GGNBP2: variants seen among roughly 807,000 people sequenced by gnomAD.
The protein encoded by GGNBP2 is gametogenetin binding protein 2.
A neutral mutation model predicts 85.9 loss-of-function variants in GGNBP2; 10 were observed. That is an observed-to-expected ratio of 0.12 (90% CI 0.07 to 0.20). The LOEUF is 0.20. Ranked by LOEUF, GGNBP2 falls within the 10% of genes least tolerant of loss-of-function variation. The pLI, the probability that GGNBP2 is intolerant of heterozygous loss-of-function variation, is 1.00. For synonymous variants in GGNBP2, 287 were observed against 285.7 expected (o/e 1.00, Z -0.05); for missense variants, 595 against 857.8 (o/e 0.69, Z 3.83).
intron 2 of GGNBP2, among the ~76,000 whole-genome samples, chr17:36,548,570 G>T (rs190682321): frequency 1.6e-5 from 2 of 123,912 alleles, no homozygotes; most frequent in Non-Finnish European, 3.2e-5. Flanking sequence ...AGCCGAGATC[G>T]CACCACTGCA....
chr17:36,560,866 T>C lies in GGNBP2; in HGVS notation c.522T>C (p.Pro174=). The change falls in exon 5 of 14, where the codon CCT becomes CCC. Residue 174 remains proline (P), a synonymous_variant. Coordinates refer to ENST00000613102, the MANE Select transcript of GGNBP2 (RefSeq NM_024835.5). ...LHSLDTHKPK[P]LGGCWMDVWE... is the part of the protein sequence containing the mutation. ...CCTTAGATACGCACAAGCCAAAACC[T>C]TTGGGGTAAGTAGAATTGAATACCA... The C allele has an allele frequency of 6.4e-7, 1 of 1,555,304 alleles. No individual in the cohort carries two copies. Among genetic ancestry groups the C allele is most frequent in the Non-Finnish European group, 8.8e-7 (1 of 1,141,386 alleles).
chr17:36,567,890 A>G, intron 6 of GGNBP2, 114 bp downstream of exon 6: 2 of 556,576 alleles, frequency 3.6e-6, no homozygotes, highest in Admixed American at 6.8e-5. Flanking sequence ...TCCCTTTAAT[A>G]CTTGGCACTA....
In GGNBP2 at chr17:36,586,186, A is replaced by G; in HGVS notation, c.1629A>G (p.Lys543=). 3 of 1,612,282 alleles carry G rather than the reference A, an allele frequency of 1.9e-6. No homozygotes were observed. Among genetic ancestry groups the G allele is most frequent in the Non-Finnish European group, 2.5e-6 (3 of 1,179,798 alleles). The change falls in exon 12 of 14, where the codon AAA becomes AAG. Residue 543 remains lysine (K), a synonymous_variant. Coordinates refer to ENST00000613102, the MANE Select transcript of GGNBP2 (RefSeq NM_024835.5). The stretch of plus-strand genomic sequence containing the variant: ...AGAAGAAGAAAAGCAAGATACTGAA[A>G]TGTGATGAACATGTAAGTGTCATAA... ...KKKKKKSKIL[K]CDEHIQKLGS... is the part of the protein sequence containing the mutation.
intron 2 of GGNBP2, chr17:36,547,046 T>C (rs1277646008): frequency 6.6e-6 from 1 of 152,222 alleles, no homozygotes; most frequent in African/African-American, 2.4e-5. Flanking sequence ...TTCAAGTGCA[T>C]TTATTTTTCA....
chr17:36,577,659 C>A, intron 6 of GGNBP2: 1 of 353,464 alleles, frequency 2.8e-6, no homozygotes, highest in Non-Finnish European at 5.4e-6. Flanking sequence ...GCGCAAATAG[C>A]TTTTGAAGTG....
rs1033815339 is a variant in GGNBP2, at chr17:36,557,138, G to A, written c.230G>A (p.Arg77His). The A allele has an allele frequency of 2.7e-5, 43 of 1,613,906 alleles. No individual in the cohort carries two copies. The highest frequency in any genetic ancestry group is 4.5e-5 in the East Asian group (2 of 44,880). ...AGTATTGCCATGGTGGTGACATCACGCGAAGTCCTGAGTGCACTTTCTCAG... is the reference window on the plus strand; with the variant it reads ...AGTATTGCCATGGTGGTGACATCACACGAAGTCCTGAGTGCACTTTCTCAG... ...DLSIAMVVTS[R>H]EVLSALSQLV... Residue 77 changes from arginine (R) to histidine (H), a missense_variant, in exon 4 of 14, where the codon CGC (arginine) becomes CAC (histidine). Coordinates refer to ENST00000613102, the MANE Select transcript of GGNBP2 (RefSeq NM_024835.5).
intron 9 of GGNBP2, among the ~76,000 whole-genome samples, chr17:36,583,847 G>A (rs1445693064): frequency 2.0e-5 from 3 of 152,164 alleles, no homozygotes; most frequent in African/African-American, 7.2e-5. Flanking sequence ...GTTTCTAAAA[G>A]ATTCATTGCA....
intron 12 of GGNBP2, 98 bp downstream of exon 12, chr17:36,586,296 T>G: frequency 6.9e-7 from 1 of 1,445,158 alleles, no homozygotes; most frequent in Non-Finnish European, 9.1e-7. Flanking sequence ...TGCTAGGATT[T>G]ACTTTTTTTA....
chr17:36,559,960 G>A (rs932762124), intron 4 of GGNBP2, among the ~76,000 whole-genome samples: 4 of 152,064 alleles, frequency 2.6e-5, no homozygotes, highest in Non-Finnish European at 5.9e-5. Flanking sequence ...TCAGCCTCCT[G>A]AGAAGCTGGG....
intron 2 of GGNBP2, among the ~76,000 whole-genome samples, chr17:36,549,152 TATAAA>T (rs1200751885): frequency 6.6e-6 from 1 of 152,208 alleles, no homozygotes; most frequent in Non-Finnish European, 1.5e-5. Context: ...TTACTACAAT[TATAAA>T]ATAACAGATA....
At chr17:36,570,656 T>A (rs905231610) in intron 6 of GGNBP2, among the ~76,000 whole-genome samples, 1 of 152,044 alleles carries the variant, frequency 6.6e-6, no homozygotes, top group African/African-American at 2.4e-5. Flanking sequence ...TAAACTGAGA[T>A]CGCGCCATTG....
At position 36,586,202 on chromosome 17, in the gene GGNBP2, A is replaced by C; in HGVS notation, c.1641+4A>C. 4 of 1,610,052 alleles carry C rather than the reference A, an allele frequency of 2.5e-6. No individual in the cohort carries two copies. The highest frequency in any genetic ancestry group is 3.4e-6 in the Non-Finnish European group (4 of 1,179,442). ...GATACTGAAATGTGATGAACATGTA[A>C]GTGTCATAACTTGTAATTCTTAAAC... On this transcript the variant is annotated splice_donor_region_variant and intron_variant, in intron 12 of 13. Coordinates refer to ENST00000613102, the MANE Select transcript of GGNBP2 (RefSeq NM_024835.5).
At chr17:36,576,607 G>GTA (rs2074590301) in intron 6 of GGNBP2, 1 of 117,832 alleles carries the variant, frequency 8.5e-6, no homozygotes, top group African/African-American at 3.8e-5. Context: ...GTGTGTGTGT[G>GTA]TGTGTGTGTG....
At chr17:36,573,285 G>T (rs1219490971) in intron 6 of GGNBP2, among the ~76,000 whole-genome samples, 1 of 151,992 alleles carries the variant, frequency 6.6e-6, no homozygotes, top group Non-Finnish European at 1.5e-5. Flanking sequence ...GCTAATTTTT[G>T]TGTTTTTAGT....
intron 2 of GGNBP2, among the ~76,000 whole-genome samples, chr17:36,553,316 A>G (rs1026224114): frequency 7.2e-5 from 11 of 152,192 alleles, no homozygotes; most frequent in African/African-American, 2.4e-4. Context: ...ATCATAGTCT[A>G]TCCTTTAGTA....
intron 4 of GGNBP2, among the ~76,000 whole-genome samples, chr17:36,557,630 T>A (rs1408601851): frequency 6.6e-6 from 1 of 152,040 alleles, no homozygotes; most frequent in African/African-American, 2.4e-5. Context: ...CCTGATAAAA[T>A]GACATTGAAT....
intron 6 of GGNBP2, among the ~76,000 whole-genome samples, chr17:36,569,227 C>T (rs1285197360): frequency 6.6e-6 from 1 of 152,050 alleles, no homozygotes; most frequent in Non-Finnish European, 1.5e-5. Flanking sequence ...GCCAGGCCAA[C>T]GTGGCGAAAC....
At chr17:36,567,528 A>G in intron 5 of GGNBP2, 135 bp from the exon 6 acceptor site, 1 of 600,944 alleles carries the variant, frequency 1.7e-6, no homozygotes, top group Non-Finnish European at 3.0e-6. Context: ...CGGCAAGTAT[A>G]GGATCATTTT....
chr17:36,577,561 G>A (rs1456937564), intron 6 of GGNBP2: 1 of 196,688 alleles, frequency 5.1e-6, no homozygotes, highest in African/African-American at 2.4e-5. Flanking sequence ...TTGCTGAAGA[G>A]ACCATCTATT....
Sources: gnomAD v4.1 joint callset for allele counts (sites outside exome capture counted in the v4.1 genomes callset) on GRCh38, gnomAD v4.1.1 for gene constraint, MANE v1.5 for transcripts, NCBI Gene and HGNC (gene_info 2026-07-23, HGNC 2026-07-21) for gene names.